The following ADAMTS20 variants were observed in gnomAD, a reference collection of about 807,000 sequenced individuals.
ADAMTS20 encodes ADAM metallopeptidase with thrombospondin type 1 motif 20.
In ADAMTS20, 225 loss-of-function variants were observed where a neutral mutation model predicts 260.1. That is an observed-to-expected ratio of 0.87 (90% CI 0.78 to 0.97). ADAMTS20 has a LOEUF of 0.97. Ranked by LOEUF, ADAMTS20 falls within the 50% of genes least tolerant of loss-of-function variation. ADAMTS20 has a pLI of 0.00. For synonymous variants in ADAMTS20, 802 were observed against 769.5 expected, an observed-to-expected ratio of 1.04 and a Z score of -0.70; for missense variants, 2,400 against 2,337.7, an observed-to-expected ratio of 1.03 and a Z score of -0.55.
At chr12:43,433,833 A>G in intron 19 of ADAMTS20, 5 of 463,734 alleles carry the variant, frequency 1.1e-5, no homozygotes, top group South Asian at 7.9e-5. Context: ...CAAAATACTG[A>G]TAGAATGTCA....
chr12:43,423,870 T>C (rs1941281092), intron 28 of ADAMTS20: 1 of 726,882 alleles, frequency 1.4e-6, no homozygotes. Flanking sequence ...ATGTTTTTCA[T>C]TAGTTCCCAC....
chr12:43,490,510 C>A (rs979321774), intron 6 of ADAMTS20, 75 bp from the exon 7 acceptor site: 1 of 746,600 alleles, frequency 1.3e-6, no homozygotes, highest in Non-Finnish European at 2.1e-6. Context: ...AATAAAGAAG[C>A]TTTAACTATG....
chr12:43,516,585 A>G (rs2137473234), intron 3 of ADAMTS20, among the ~76,000 whole-genome samples: 1 of 152,306 alleles, frequency 6.6e-6, no homozygotes, highest in Non-Finnish European at 1.5e-5. Context: ...GTTTTCACTT[A>G]TCTTCTTTAC....
At chr12:43,373,714 C>G (rs1467894403) in intron 36 of ADAMTS20, among the ~76,000 whole-genome samples, 2 of 111,500 alleles carry the variant, frequency 1.8e-5, no homozygotes, top group Non-Finnish European at 3.3e-5. Context: ...GAGTCTCGCT[C>G]TGTCGCCCAG....
intron 14 of ADAMTS20, 95 bp downstream of exon 14, chr12:43,452,179 T>C (rs966813735): frequency 1.0e-4 from 132 of 1,314,046 alleles, no homozygotes; most frequent in Non-Finnish European, 6.4e-5. Flanking sequence ...GAACATATGC[T>C]GAAATAGTAA....
chr12:43,387,572 TGCTGAA>T (rs1317478759), intron 29 of ADAMTS20, among the ~76,000 whole-genome samples: 2 of 152,218 alleles, frequency 1.3e-5, no homozygotes, highest in African/African-American at 4.8e-5. Flanking sequence ...CATTTAAGTC[TGCTGAA>T]GCTGCGCCCA....
intron 20 of ADAMTS20, 56 bp from the exon 21 acceptor site, chr12:43,432,524 A>AT (rs953763808): frequency 2.9e-5 from 46 of 1,595,750 alleles, no homozygotes; most frequent in Non-Finnish European, 3.8e-5. Context: ...TTTCAACAAA[A>AT]TTATACTTCA....
At chr12:43,456,630 C>T (rs1014293493) in intron 11 of ADAMTS20, among the ~76,000 whole-genome samples, 4 of 152,176 alleles carry the variant, frequency 2.6e-5, no homozygotes, top group African/African-American at 9.7e-5. Context: ...AAAAAGGGTG[C>T]TCCTCACAGA....
Position 43,464,881 on chromosome 12 carries a change from T to C in ADAMTS20, c.1368-149A>G, listed in dbSNP as rs147643152. On this transcript the variant is annotated intron_variant, in intron 9 of 38. Coordinates refer to ENST00000389420, the MANE Select transcript of ADAMTS20 (RefSeq NM_025003.5). ...AAAAACCAACTCACATCAATATCAG[T>C]ATAGCAATGTTCGTACACATAAGGA... is the stretch of plus-strand genomic sequence containing the variant. 413 of 809,562 alleles carry C rather than the reference T, an allele frequency of 5.1e-4. 4 individuals carry two copies. In the East Asian group the frequency reaches 0.011, roughly 21 times the overall value. The allele number at this position is 809,562 out of a possible 1,614,324, so 50.1% of individuals were successfully genotyped here. A position where few individuals can be genotyped will look rare whatever the true frequency, so the allele number is the denominator to read the frequency against.
intron 28 of ADAMTS20, among the ~76,000 whole-genome samples, chr12:43,407,382 C>T (rs1940939502): frequency 6.6e-6 from 1 of 151,318 alleles, no homozygotes; most frequent in African/African-American, 2.4e-5. Context: ...TGTATGTACA[C>T]TCATAATGGA....
chr12:43,469,637 CATAG>C (rs1310434963), intron 7 of ADAMTS20, among the ~76,000 whole-genome samples: 1 of 151,992 alleles, frequency 6.6e-6, no homozygotes, highest in Non-Finnish European at 1.5e-5. Flanking sequence ...AAGATTTTTT[CATAG>C]ATAATCAGTT....
intron 7 of ADAMTS20, among the ~76,000 whole-genome samples, chr12:43,480,151 A>G (rs1235324678): frequency 6.6e-6 from 1 of 152,192 alleles, no homozygotes; most frequent in Non-Finnish European, 1.5e-5. Context: ...TCCGCAAAGT[A>G]AATCTTCTAG....
At chr12:43,521,255 T>A (rs1373821879) in intron 3 of ADAMTS20, among the ~76,000 whole-genome samples, 1 of 152,232 alleles carries the variant, frequency 6.6e-6, no homozygotes, top group African/African-American at 2.4e-5. Flanking sequence ...AGAACTCGCT[T>A]ACTGAGCAAA....
rs780863824 is a variant in ADAMTS20 at position 43,432,354 on chromosome 12, T to C, written c.3046A>G (p.Asn1016Asp). Residue 1016 changes from asparagine to aspartate, a missense_variant, in exon 21 of 39, where the codon AAT becomes GAT. By Grantham distance (23) the Asn-to-Asp change is conservative. Coordinates refer to ENST00000389420, the MANE Select transcript of ADAMTS20 (RefSeq NM_025003.5). ...CQELSRVTRE[N>D]CNEFSCPSWA... ...CTGGGACAGGAAAATTCATTGCAATTCTCTCTCGTCACTCGGGACAGTTCT... is the reference window on the plus strand; with the variant it reads ...CTGGGACAGGAAAATTCATTGCAATCCTCTCTCGTCACTCGGGACAGTTCT... The C allele has an allele frequency of 1.9e-6, 3 of 1,613,912 alleles. No homozygotes were observed. Among genetic ancestry groups the C allele is most frequent in the Non-Finnish European group, 1.7e-6 (2 of 1,179,866 alleles).
At chr12:43,425,769 A>AT in intron 27 of ADAMTS20, 79 bp from the exon 28 acceptor site, 1 of 956,370 alleles carries the variant, frequency 1.0e-6, no homozygotes, top group Non-Finnish European at 1.4e-6. Flanking sequence ...TTTAAACATA[A>AT]TTAGTAATTA....
chr12:43,545,166 G>T (rs1300082676), intron 2 of ADAMTS20, among the ~76,000 whole-genome samples: 1 of 152,060 alleles, frequency 6.6e-6, no homozygotes, highest in Non-Finnish European at 1.5e-5. Context: ...TTCCTTACCC[G>T]CAGTAGGGTA....
At chr12:43,491,242 T>C (rs1592095286) in intron 6 of ADAMTS20, among the ~76,000 whole-genome samples, 1 of 152,254 alleles carries the variant, frequency 6.6e-6, no homozygotes, top group Non-Finnish European at 1.5e-5. Context: ...AGTAACATAC[T>C]GTACAGGTTT....
At chr12:43,401,183 A>G (rs1012267881) in intron 28 of ADAMTS20, among the ~76,000 whole-genome samples, 3 of 151,970 alleles carry the variant, frequency 2.0e-5, no homozygotes, top group Admixed American at 2.0e-4. Context: ...AAGAGAAGAT[A>G]ATATTTAAAT....
chr12:43,495,100 A>G (rs1243836433), intron 4 of ADAMTS20, among the ~76,000 whole-genome samples: 2 of 152,240 alleles, frequency 1.3e-5, no homozygotes, highest in Non-Finnish European at 2.9e-5. Flanking sequence ...CAGCTATAAA[A>G]TATATAATCA....
Sources: gnomAD v4.1 joint callset for allele counts (sites outside exome capture counted in the v4.1 genomes callset) on GRCh38, gnomAD v4.1.1 for gene constraint, MANE v1.5 for transcripts, NCBI Gene and HGNC (gene_info 2026-07-23, HGNC 2026-07-21) for gene names.